TLE5: variants seen among roughly 807,000 people sequenced by gnomAD.
The protein encoded by TLE5 is TLE family member 5.
Under a neutral mutation model 25.8 loss-of-function variants are expected in TLE5, and 7 were observed. That is an observed-to-expected ratio of 0.27 (90% CI 0.15 to 0.51). The LOEUF is 0.51. Ranked by LOEUF, TLE5 falls within the 20% of genes least tolerant of loss-of-function variation. The probability of loss-of-function intolerance (pLI) is 0.97; values close to 1 mark genes in which losing one functional copy is unlikely to be tolerated. For missense variants in TLE5, 149 were observed against 250.7 expected (o/e 0.59, Z 2.74); for synonymous variants, 132 against 110.5 (o/e 1.20, Z -1.22).
intron 2 of TLE5, 118 bp downstream of exon 2, chr19:3,061,042 G>C (rs577603775): frequency 2.4e-5 from 18 of 736,554 alleles, no homozygotes; most frequent in African/African-American, 3.5e-5. Context: ...AAGTGATTAG[G>C]TCAGAGTCTA....
chr19:3,062,770 G>T (rs751928402), upstream of TLE5: 1 of 1,547,946 alleles, frequency 6.5e-7, no homozygotes, highest in South Asian at 1.2e-5. Context: ...CGTCGAAGCC[G>T]CCGGCCCTGC....
chr19:3,056,387 G>T, intron 3 of TLE5, 31 bp from the exon 4 acceptor site: 1 of 517,760 alleles, frequency 1.9e-6, no homozygotes, highest in Non-Finnish European at 3.2e-6. Context: ...GGGAGCGGGA[G>T]ATGGGGGTGG....
At chr19:3,057,586 C>A (rs964829848) in intron 3 of TLE5, 93 bp downstream of exon 3, 2 of 1,271,932 alleles carry the variant, frequency 1.6e-6, no homozygotes, top group Admixed American at 1.7e-5. Flanking sequence ...GGGAGGTGGC[C>A]GGGGTTGAGG....
intron 6 of TLE5, 33 bp downstream of exon 6, chr19:3,054,087 C>T (rs772697495): frequency 2.4e-5 from 36 of 1,476,550 alleles, no homozygotes; most frequent in Non-Finnish European, 5.5e-6. Context: ...GCCCACCTGT[C>T]CCCCGCCCAC....
At chr19:3,061,080 C>G in intron 2 of TLE5, 80 bp downstream of exon 2, 3 of 1,037,174 alleles carry the variant, frequency 2.9e-6, no homozygotes, top group Non-Finnish European at 4.6e-6. Flanking sequence ...AATCTCCAGG[C>G]CTCAGCCTTG....
At chr19:3,054,086 T>TCCCACCCCCCCC in intron 6 of TLE5, 34 bp downstream of exon 6, 1 of 1,512,816 alleles carries the variant, frequency 6.6e-7, no homozygotes. Context: ...GGCCCACCTG[T>TCCCACCCCCCCC]CCCCCGCCCA....
intron 4 of TLE5, 73 bp from the exon 5 acceptor site, chr19:3,055,799 G>C: frequency 1.4e-6 from 2 of 1,473,436 alleles, no homozygotes; most frequent in Non-Finnish European, 1.8e-6. Context: ...GGAGGCCTGC[G>C]CGGGGCCCGG....
At chr19:3,059,936 C>A (rs1399573986) in intron 2 of TLE5, among the ~76,000 whole-genome samples, 1 of 152,114 alleles carries the variant, frequency 6.6e-6, no homozygotes, top group Non-Finnish European at 1.5e-5. Context: ...GACAGTCGGA[C>A]GACAGGAAGG....
chr19:3,053,970 C>T lies in TLE5; in HGVS notation c.443G>A (p.Gly148Glu). Residue 148 changes from glycine (G) to glutamate (E), a missense_variant, in exon 7 of 7, where the codon GGG becomes GAG. Transcript: ENST00000327141. ...CGCCGGCAGCGAAGGCGGCTGCAGC[C>T]CCACGGGTAGTGGGGTCAAGGGCAG... ...LALPLTPLPVGLQPPSLPAVS... is the reference protein window; with the variant it reads ...LALPLTPLPVELQPPSLPAVS... The T allele has an allele frequency of 6.2e-7, 1 of 1,610,756 alleles. No individual in the cohort carries two copies.
At chr19:3,060,968 T>C in intron 2 of TLE5, 192 bp downstream of exon 2, 1 of 438,540 alleles carries the variant, frequency 2.3e-6, no homozygotes, top group South Asian at 3.0e-5. Context: ...TTAACTATTT[T>C]TGTGCCTCGG....
chr19:3,061,047 A>G, intron 2 of TLE5, 113 bp downstream of exon 2: 1 of 750,618 alleles, frequency 1.3e-6, no homozygotes, highest in South Asian at 1.5e-5. Context: ...ATTAGGTCAG[A>G]GTCTAGCATA....
chr19:3,053,741 T>A lies in TLE5; in HGVS notation c.*78A>T. 6.7e-7 allele frequency: 1 copy of A among 1,484,774 alleles called. No homozygotes were observed. The highest frequency in any genetic ancestry group is 9.2e-7 in the Non-Finnish European group (1 of 1,090,932). 92.0% of individuals were successfully genotyped at this position (1,484,774 alleles called of 1,614,324 possible). A position where few individuals can be genotyped will look rare whatever the true frequency, so the allele number is the denominator to read the frequency against. On this transcript the variant is annotated 3_prime_UTR_variant, in exon 7 of 7. Coordinates refer to ENST00000327141, the MANE Select transcript of TLE5 (RefSeq NM_001130.6). ...GCCAATCCCGAGCTCCGCTGTGTCTTGTGCTAAACATTCCTTTCTCTCCGT... is the reference window on the plus strand; with the variant it reads ...GCCAATCCCGAGCTCCGCTGTGTCTAGTGCTAAACATTCCTTTCTCTCCGT...
intron 2 of TLE5, among the ~76,000 whole-genome samples, chr19:3,060,469 A>G (rs993783047): frequency 2.0e-5 from 3 of 150,896 alleles, no homozygotes; most frequent in African/African-American, 7.3e-5. Flanking sequence ...AGTAGCTGGG[A>G]TTACAGGCGC....
chr19:3,059,967 A>G (rs2090251053), intron 2 of TLE5, among the ~76,000 whole-genome samples: 1 of 152,194 alleles, frequency 6.6e-6, no homozygotes, highest in Non-Finnish European at 1.5e-5. Context: ...AGGAGGCACG[A>G]ACGGTCTTGA....
At chr19:3,057,884 AATTT>A in intron 2 of TLE5, 142 bp from the exon 3 acceptor site, 1 of 752,250 alleles carries the variant, frequency 1.3e-6, no homozygotes, top group South Asian at 1.6e-5. Flanking sequence ...GTCAAGCAAT[AATTT>A]TTTTTTTAAA....
chr19:3,062,606 A>G (rs1743962168), upstream of TLE5: 2 of 1,059,966 alleles, frequency 1.9e-6, no homozygotes, highest in African/African-American at 1.7e-5. Context: ...GCGGATCCCC[A>G]CGCCGGCCCG....
chr19:3,062,572 G>A (rs1261667906), upstream of TLE5: 6 of 859,056 alleles, frequency 7.0e-6, no homozygotes, highest in Non-Finnish European at 8.4e-6. Context: ...CCGAGGGGGG[G>A]GACGCGCGCG....
Position 3,057,664 on chromosome 19 carries a change from G to A in TLE5, c.189+15C>T, listed in dbSNP as rs879072795. 2.5e-6 allele frequency: 4 copies of A among 1,612,824 alleles called. No homozygotes were observed. In the Admixed American group the frequency reaches 6.7e-5, roughly 27 times the overall value. ...CCCGCCCCCAACACTGGACCTGGGG[G>A]CGGAGTGACGTTACCATCACATAGT... On this transcript the variant is annotated intron_variant, in intron 3 of 6. Coordinates refer to ENST00000327141, the MANE Select transcript of TLE5 (RefSeq NM_001130.6).
chr19:3,057,483 A>G (rs2090229263), intron 3 of TLE5, 196 bp downstream of exon 3: 1 of 588,006 alleles, frequency 1.7e-6, no homozygotes, highest in Admixed American at 3.0e-5. Flanking sequence ...CACCTCGGCC[A>G]CTGCCTCGGC....
Sources: allele counts gnomAD v4.1 joint callset (sites outside exome capture counted in the v4.1 genomes callset), GRCh38; gene constraint gnomAD v4.1.1; transcripts MANE v1.5; gene names NCBI Gene and HGNC (gene_info 2026-07-23, HGNC 2026-07-21).